The following TECTA variants were observed in gnomAD, a reference collection of about 807,000 sequenced individuals.
The protein encoded by TECTA is tectorin alpha.
TECTA carries 128 observed loss-of-function variants against 216.8 expected under a neutral mutation model. The ratio of observed to expected loss-of-function variants is 0.59; its 90% CI spans 0.51 to 0.68. TECTA has a LOEUF of 0.68. Among genes scored for constraint, TECTA ranks in the 30% least tolerant of loss-of-function variants. The pLI, the probability that TECTA is intolerant of heterozygous loss-of-function variation, is 0.00. For missense variants in TECTA, 2,551 were observed against 2,786.2 expected (o/e 0.92, Z 1.90); for synonymous variants, 1,089 against 1,117.1 (o/e 0.97, Z 0.50).
Position 121,170,459 on chromosome 11 carries a change from C to T in TECTA, c.5999+1534C>T, listed in dbSNP as rs556743615. 2.2e-3 allele frequency among the ~76,000 whole-genome samples: 328 copies of T among 151,338 alleles called. 3 individuals are homozygous for T. Among genetic ancestry groups the T allele is most frequent in the Non-Finnish European group, 3.2e-3 (215 of 67,704 alleles). ...TTTTGTTTGGTTTTGTTTTGTTTTG[C>T]TTTGTTTTGTTTTGCATGTGTGTGT... On this transcript the variant is annotated intron_variant, in intron 20 of 23. Coordinates refer to ENST00000392793, the MANE Select transcript of TECTA (RefSeq NM_005422.4).
intron 16 of TECTA, 135 bp from the exon 17 acceptor site, chr11:121,165,138 C>T: frequency 1.2e-6 from 1 of 836,140 alleles, no homozygotes; most frequent in Non-Finnish European, 2.0e-6. Context: ...GAAGGTTGCC[C>T]TGTCTGTTAA....
chr11:121,190,069 A>C, intron 23 of TECTA, 189 bp downstream of exon 23: 1 of 601,190 alleles, frequency 1.7e-6, no homozygotes. Context: ...AACAAACAAC[A>C]ACAACAAAAA....
At chr11:121,161,376 T>C (rs1173635033) in intron 15 of TECTA, among the ~76,000 whole-genome samples, 2 of 152,014 alleles carry the variant, frequency 1.3e-5, no homozygotes, top group Admixed American at 6.6e-5. Context: ...TAGAATACCA[T>C]GCATCGACCT....
chr11:121,169,304 A>G (rs1458666947), intron 20 of TECTA, among the ~76,000 whole-genome samples: 3 of 152,206 alleles, frequency 2.0e-5, no homozygotes, highest in Non-Finnish European at 4.4e-5. Context: ...TTAATGAACA[A>G]GGCATCTATA....
chr11:121,187,405 T>G (rs1947298228), intron 20 of TECTA, among the ~76,000 whole-genome samples: 1 of 152,222 alleles, frequency 6.6e-6, no homozygotes, highest in South Asian at 2.1e-4. Context: ...ATGGGAAGTA[T>G]TCCCAACAGG....
chr11:121,184,852 G>T (rs1312151787), intron 20 of TECTA, among the ~76,000 whole-genome samples: 1 of 152,210 alleles, frequency 6.6e-6, no homozygotes, highest in African/African-American at 2.4e-5. Flanking sequence ...GAAAGGGAGG[G>T]ACGTGGTGAC....
At chr11:121,106,836 G>A (rs977118110) in intron 3 of TECTA, among the ~76,000 whole-genome samples, 10 of 152,134 alleles carry the variant, frequency 6.6e-5, no homozygotes, top group Non-Finnish European at 1.5e-4. Context: ...CCCTGAACCT[G>A]CAGAAGCAGC....
rs770214966 is a variant in TECTA, at chr11:121,109,261, G to T, written c.249G>T (p.Thr83=). 5 of 1,614,124 alleles carry T rather than the reference G, an allele frequency of 3.1e-6. No homozygotes were observed. The Admixed American group carries it at 8.3e-5, about 27-fold the overall frequency. The change falls in exon 4 of 24, where the codon ACG becomes ACT. Residue 83 remains threonine (T), a synonymous_variant. Coordinates refer to ENST00000392793, the MANE Select transcript of TECTA (RefSeq NM_005422.4). ...TCAATGTGCTAGTGAGCCAGTTCACGCCAGAATCCTTTCCCCTGACAGATG... is the reference window on the plus strand; with the variant it reads ...TCAATGTGCTAGTGAGCCAGTTCACTCCAGAATCCTTTCCCCTGACAGATG... ...VSFNVLVSQF[T]PESFPLTDGR...
chr11:121,166,793 G>GC lies in TECTA; in HGVS notation c.5586+14dup. The GC allele has an allele frequency of 6.2e-7, 1 of 1,612,990 alleles. No homozygotes were observed. The highest frequency in any genetic ancestry group is 8.5e-7 in the Non-Finnish European group (1 of 1,179,954). On this transcript the variant is annotated intron_variant, in intron 18 of 23. Transcript: ENST00000392793. ...AAACATTGTGCAGGTGAGAAAAGCA[G>GC]CAGGAAAGAGCACCTGGCAGAGGCA...
chr11:121,161,746 G>A (rs962904309), intron 15 of TECTA, among the ~76,000 whole-genome samples: 1 of 150,832 alleles, frequency 6.6e-6, no homozygotes, highest in African/African-American at 2.4e-5. Context: ...CCTGTTAATG[G>A]TTATTATATC....
chr11:121,181,227 T>A (rs1324040529), intron 20 of TECTA, among the ~76,000 whole-genome samples: 1 of 152,186 alleles, frequency 6.6e-6, no homozygotes, highest in Non-Finnish European at 1.5e-5. Context: ...TTGTATTTTT[T>A]AATTTCATTC....
chr11:121,140,634 G>T (rs369624116), intron 11 of TECTA, among the ~76,000 whole-genome samples: 1 of 152,162 alleles, frequency 6.6e-6, no homozygotes, highest in Non-Finnish European at 1.5e-5. Context: ...CACACTCCCC[G>T]TGAGGTCCTC....
intron 20 of TECTA, among the ~76,000 whole-genome samples, chr11:121,181,303 A>G (rs968343277): frequency 2.6e-5 from 4 of 151,780 alleles, no homozygotes; most frequent in African/African-American, 9.7e-5. Context: ...TGAATTTCTC[A>G]CTCAGATCAT....
intron 14 of TECTA, among the ~76,000 whole-genome samples, chr11:121,159,240 A>G (rs186498553): frequency 2.0e-5 from 3 of 152,300 alleles, no homozygotes; most frequent in East Asian, 3.9e-4. Flanking sequence ...TTTAACTTCA[A>G]TGAAAGGTGC....
chr11:121,160,782 G>A (rs1005618723), intron 15 of TECTA, among the ~76,000 whole-genome samples: 1 of 152,134 alleles, frequency 6.6e-6, no homozygotes, highest in Non-Finnish European at 1.5e-5. Context: ...GAAGAAGAAG[G>A]GCTATCTTTG....
intron 12 of TECTA, among the ~76,000 whole-genome samples, chr11:121,152,582 G>A (rs1246826019): frequency 3.3e-5 from 5 of 152,138 alleles, no homozygotes; most frequent in Admixed American, 6.5e-5. Context: ...TCAGATGGGC[G>A]GTGGGTTCAG....
At chr11:121,107,400 G>A (rs1165985811) in intron 3 of TECTA, among the ~76,000 whole-genome samples, 1 of 152,148 alleles carries the variant, frequency 6.6e-6, no homozygotes, top group Non-Finnish European at 1.5e-5. Context: ...TTTTCTTCAA[G>A]CCTCTAGGAT....
chr11:121,122,394 T>G (rs932423432), intron 7 of TECTA, among the ~76,000 whole-genome samples: 4 of 152,128 alleles, frequency 2.6e-5, no homozygotes, highest in African/African-American at 9.7e-5. Flanking sequence ...CCCCCTGACC[T>G]TATACTTCCC....
chr11:121,129,551 G>T, intron 9 of TECTA, 87 bp from the exon 10 acceptor site: 1 of 1,383,958 alleles, frequency 7.2e-7, no homozygotes, highest in Non-Finnish European at 1.0e-6. Context: ...CTAGCAATAG[G>T]GCAGACCGTG....
Sources: allele counts gnomAD v4.1 joint callset (sites outside exome capture counted in the v4.1 genomes callset), GRCh38; gene constraint gnomAD v4.1.1; transcripts MANE v1.5; gene names NCBI Gene and HGNC (gene_info 2026-07-23, HGNC 2026-07-21).